Variants in CACNA1C observed in about 807,000 individuals in gnomAD.
The protein encoded by CACNA1C is calcium voltage-gated channel subunit alpha1 C.
A neutral mutation model predicts 229.0 loss-of-function variants in CACNA1C; 30 were observed. The observed-to-expected ratio is 0.13, with a 90% confidence interval of 0.10 to 0.18. The LOEUF (loss-of-function observed/expected upper bound fraction) is 0.18, where lower values mean the gene tolerates loss of function less well. CACNA1C is among the 10% of genes least tolerant of loss of function. The pLI is 1.00. For missense variants in CACNA1C, 1,658 were observed against 2,845.0 expected, an observed-to-expected ratio of 0.58 and a Z score of 9.49; for synonymous variants, 1,114 against 1,132.5, an observed-to-expected ratio of 0.98 and a Z score of 0.33.
chr12:1,974,224 A>G (rs917933825), intron 1 of CACNA1C, among the ~76,000 whole-genome samples: 4 of 152,186 alleles, frequency 2.6e-5, no homozygotes, highest in African/African-American at 9.6e-5. Flanking sequence ...ACTTCCTGGA[A>G]TAATTCAACA....
At chr12:2,473,601 A>G (rs1290183908) in intron 5 of CACNA1C, among the ~76,000 whole-genome samples, 1 of 152,224 alleles carries the variant, frequency 6.6e-6, no homozygotes, top group Admixed American at 6.5e-5. Flanking sequence ...AGAAAATTTT[A>G]GAGCCAGATT....
At chr12:2,191,224 A>T (rs540698425) in intron 3 of CACNA1C, among the ~76,000 whole-genome samples, 2 of 152,060 alleles carry the variant, frequency 1.3e-5, no homozygotes, top group Non-Finnish European at 2.9e-5. Context: ...AAGAGCAGCA[A>T]CCCAAGCAAG....
intron 3 of CACNA1C, among the ~76,000 whole-genome samples, chr12:2,207,375 TTGTGTG>T (rs2097782413): frequency 6.6e-6 from 1 of 152,222 alleles, no homozygotes; most frequent in African/African-American, 2.4e-5. Context: ...TTGTGATAGT[TTGTGTG>T]ATAGTTCTAC....
At position 2,688,669 on chromosome 12, in the gene CACNA1C, G is replaced by A. The variant is rs886038918; in HGVS notation, c.6007G>A (p.Gly2003Arg). ...CTGGGCTGAGACCACCCCCGGTGGC[G>A]GGGGCAGCAGCGCCGCCCGGAGAGT... The part of the protein sequence containing the change: ...GSWAETTPGG[G>R]GSSAARRVRP... Residue 2003 changes from glycine (G) to arginine (R), a missense_variant, in exon 46 of 47, where the codon GGG becomes AGG. Gly to Arg is a moderately radical substitution (Grantham distance 125, BLOSUM62 -2). This residue lies in a region of CACNA1C where 590 missense variants were observed against 700.8 expected (regional missense o/e 0.84). Transcript: ENST00000399655. 21 of 1,613,248 alleles carry A rather than the reference G, an allele frequency of 1.3e-5. No homozygotes were observed. The highest frequency in any genetic ancestry group is 6.7e-5 in the East Asian group (3 of 44,872).
intron 3 of CACNA1C, among the ~76,000 whole-genome samples, chr12:2,159,845 C>G (rs1197930070): frequency 6.6e-6 from 1 of 152,206 alleles, no homozygotes; most frequent in Non-Finnish European, 1.5e-5. Context: ...CTCAGGTGAT[C>G]TGCCCGCCTC....
chr12:2,472,280 C>A (rs1196273624), intron 5 of CACNA1C, among the ~76,000 whole-genome samples: 2 of 152,022 alleles, frequency 1.3e-5, no homozygotes, highest in Non-Finnish European at 2.9e-5. Context: ...TCTCATTGGT[C>A]CCCGGGGCTT....
chr12:2,455,063 C>T (rs1402618477), intron 4 of CACNA1C, among the ~76,000 whole-genome samples: 3 of 152,196 alleles, frequency 2.0e-5, no homozygotes, highest in Non-Finnish European at 4.4e-5. Context: ...TGCACCCATC[C>T]CCTTCTTGCC....
chr12:2,270,560 CA>C (rs2084454756), intron 3 of CACNA1C, among the ~76,000 whole-genome samples: 1 of 152,150 alleles, frequency 6.6e-6, no homozygotes, highest in South Asian at 2.1e-4. Flanking sequence ...GTGGGGGCCA[CA>C]GCACTCCAGA....
intron 3 of CACNA1C, among the ~76,000 whole-genome samples, chr12:2,237,713 AT>A (rs1198821096): frequency 6.6e-6 from 1 of 152,242 alleles, no homozygotes; most frequent in East Asian, 1.9e-4. Flanking sequence ...AACTGGGCAG[AT>A]GGTGGCTTTA....
At chr12:2,216,566 A>G (rs577818889) in intron 3 of CACNA1C, among the ~76,000 whole-genome samples, 1 of 152,372 alleles carries the variant, frequency 6.6e-6, no homozygotes, top group Admixed American at 6.5e-5. Flanking sequence ...TCTTAAATAA[A>G]GAGAAGGGCC....
At chr12:2,528,095 G>T (rs903765364) in intron 9 of CACNA1C, among the ~76,000 whole-genome samples, 1 of 152,176 alleles carries the variant, frequency 6.6e-6, no homozygotes, top group African/African-American at 2.4e-5. Context: ...TGACCCTCAT[G>T]TTCCTCTCCC....
At chr12:2,224,955 A>G (rs977087676) in intron 3 of CACNA1C, among the ~76,000 whole-genome samples, 8 of 152,144 alleles carry the variant, frequency 5.3e-5, no homozygotes, top group Non-Finnish European at 8.8e-5. Context: ...GTCACACCCA[A>G]ATTTTTGCAG....
At chr12:2,296,157 G>T (rs555912431) in intron 3 of CACNA1C, among the ~76,000 whole-genome samples, 1 of 152,234 alleles carries the variant, frequency 6.6e-6, no homozygotes, top group Non-Finnish European at 1.5e-5. Flanking sequence ...GCTGACAGAT[G>T]ATGAGTGAGC....
At chr12:2,640,154 A>G (rs1355506541) in intron 30 of CACNA1C, among the ~76,000 whole-genome samples, 8 of 152,234 alleles carry the variant, frequency 5.3e-5, no homozygotes, top group Non-Finnish European at 1.5e-5. Context: ...CTTACTCTCC[A>G]CATGAGGAAA....
At chr12:2,207,224 C>T (rs893566498) in intron 3 of CACNA1C, among the ~76,000 whole-genome samples, 2 of 152,172 alleles carry the variant, frequency 1.3e-5, no homozygotes, top group African/African-American at 2.4e-5. Context: ...CCATGACACA[C>T]CTGGACTCTT....
At chr12:1,985,850 G>A (rs1271744062) in intron 1 of CACNA1C, among the ~76,000 whole-genome samples, 11 of 151,876 alleles carry the variant, frequency 7.2e-5, no homozygotes, top group African/African-American at 2.2e-4. Context: ...TCCCTCTGTC[G>A]CCCAGGCTGG....
chr12:2,096,183 G>A lies in CACNA1C; in HGVS notation c.50-19041G>A, dbSNP rs555739726. On this transcript the variant is annotated intron_variant, in intron 1 of 46. Coordinates refer to ENST00000399655, the MANE Select transcript of CACNA1C (RefSeq NM_000719.7). ...AGAGGTCCGATGCCTGATTTTTAAC[G>A]GCGCTTGAGAAAACTGTTGATATAT... 7.2e-5 allele frequency among the ~76,000 whole-genome samples: 11 copies of A among 152,312 alleles called. No individual in the cohort carries two copies. In the South Asian group the frequency reaches 1.9e-3, roughly 26 times the overall value.
chr12:2,299,990 A>G (rs945323477), intron 3 of CACNA1C, among the ~76,000 whole-genome samples: 6 of 152,234 alleles, frequency 3.9e-5, no homozygotes. Context: ...CATCAGCACT[A>G]TCATTTTGTA....
intron 1 of CACNA1C, among the ~76,000 whole-genome samples, chr12:2,036,905 A>T (rs2049249947): frequency 6.6e-6 from 1 of 152,194 alleles, no homozygotes; most frequent in African/African-American, 2.4e-5. Flanking sequence ...TTAGCACAGG[A>T]GGATTCGGGG....
Sources: allele counts gnomAD v4.1 joint callset (sites outside exome capture counted in the v4.1 genomes callset), GRCh38; gene constraint gnomAD v4.1.1; regional missense constraint gnomAD v4.1.1; transcripts MANE v1.5; gene names NCBI Gene and HGNC (gene_info 2026-07-23, HGNC 2026-07-21).